Variants in CCDC169 observed in about 807,000 individuals in gnomAD.
CCDC169 encodes coiled-coil domain containing 169, also known as coiled-coil domain-containing protein 169.
Under a neutral mutation model 36.0 loss-of-function variants are expected in CCDC169, and 30 were observed. That is an observed-to-expected ratio of 0.83 (90% CI 0.62 to 1.13). The LOEUF (loss-of-function observed/expected upper bound fraction) is 1.13, where lower values mean the gene tolerates loss of function less well. Among genes scored for constraint, CCDC169 ranks in the 50% most tolerant of loss-of-function variants. The pLI, the probability that CCDC169 is intolerant of heterozygous loss-of-function variation, is 0.00. For missense variants in CCDC169, 245 were observed against 245.9 expected, an observed-to-expected ratio of 1.00 and a Z score of 0.03; for synonymous variants, 85 against 81.5, an observed-to-expected ratio of 1.04 and a Z score of -0.23.
At chr13:36,229,860 T>G (rs747327053), downstream of CCDC169, among the ~76,000 whole-genome samples, 2 of 152,056 alleles carry the variant, frequency 1.3e-5, no homozygotes, top group African/African-American at 2.4e-5. Flanking sequence ...ATTATTTAAA[T>G]TATTAATTTT....
chr13:36,242,580 T>A (rs1325492576), intron 7 of CCDC169, among the ~76,000 whole-genome samples: 1 of 152,196 alleles, frequency 6.6e-6, no homozygotes, highest in African/African-American at 2.4e-5. Flanking sequence ...TTGCATTGTT[T>A]ATAGTTTCAG....
chr13:36,278,899 A>C (rs1877170764), intron 4 of CCDC169, among the ~76,000 whole-genome samples: 1 of 152,192 alleles, frequency 6.6e-6, no homozygotes, highest in Non-Finnish European at 1.5e-5. Context: ...AACAAAACTA[A>C]ACTTACCATT....
Position 36,231,160 on chromosome 13 carries a change from A to G in CCDC169, c.*33T>C. On this transcript the variant is annotated 3_prime_UTR_variant, in exon 8 of 8. Transcript: ENST00000239859. ...CTTGAATATTATAAATGGAAAAAAA[A>G]AGGAAGAAATAGAAATCCATCCAGT... 1 of 1,537,322 alleles carries G rather than the reference A, an allele frequency of 6.5e-7. No homozygotes were observed. The highest frequency in any genetic ancestry group is 1.2e-5 in the South Asian group (1 of 80,910).
At chr13:36,297,519 A>C (rs1879674419) in intron 1 of CCDC169, 118 bp downstream of exon 1, 2 of 931,060 alleles carry the variant, frequency 2.1e-6, no homozygotes, top group Non-Finnish European at 3.3e-6. Context: ...CGAAGTGCCC[A>C]GGGGTTAATC....
chr13:36,261,871 A>T (rs1006357094), intron 4 of CCDC169, among the ~76,000 whole-genome samples: 19 of 152,210 alleles, frequency 1.2e-4, no homozygotes, highest in African/African-American at 4.6e-4. Flanking sequence ...ACTGCAGTGC[A>T]TTTGTGAGTT....
chr13:36,283,746 T>C, intron 2 of CCDC169, 44 bp from the exon 3 acceptor site: 1 of 1,338,138 alleles, frequency 7.5e-7, no homozygotes, highest in East Asian at 2.5e-5. Context: ...CCCCACCACC[T>C]CTCATTTATT....
chr13:36,256,229 T>C (rs1873863192), intron 4 of CCDC169, among the ~76,000 whole-genome samples: 1 of 152,272 alleles, frequency 6.6e-6, no homozygotes, highest in African/African-American at 2.4e-5. Flanking sequence ...AGGCCTGTTT[T>C]TTCACGCTTT....
At chr13:36,251,035 T>C (rs1054128479) in intron 6 of CCDC169, among the ~76,000 whole-genome samples, 9 of 152,332 alleles carry the variant, frequency 5.9e-5, no homozygotes, top group African/African-American at 1.9e-4. Context: ...AATCGGTCTT[T>C]CTGCCTGACT....
chr13:36,276,301 T>C (rs1017392423), intron 4 of CCDC169, among the ~76,000 whole-genome samples: 1 of 152,202 alleles, frequency 6.6e-6, no homozygotes, highest in African/African-American at 2.4e-5. Context: ...AAATGCTAAA[T>C]GATTTCCGTA....
intron 4 of CCDC169, among the ~76,000 whole-genome samples, chr13:36,258,115 G>C (rs1337533453): frequency 6.6e-6 from 1 of 152,172 alleles, no homozygotes; most frequent in South Asian, 2.1e-4. Context: ...ACTCTAGAAT[G>C]ATCTTCAGTG....
chr13:36,234,026 T>C (rs1007918118), intron 7 of CCDC169, among the ~76,000 whole-genome samples: 21 of 152,154 alleles, frequency 1.4e-4, no homozygotes, highest in Non-Finnish European at 2.9e-5. Flanking sequence ...TACCATCTAT[T>C]CTCTCTGAGG....
At chr13:36,289,060 T>C (rs1030031268) in intron 2 of CCDC169, among the ~76,000 whole-genome samples, 5 of 152,200 alleles carry the variant, frequency 3.3e-5, no homozygotes, top group Non-Finnish European at 5.9e-5. Context: ...AGAAGGGAAT[T>C]ATTTTTAATA....
chr13:36,238,274 A>T (rs1241974193), intron 7 of CCDC169, among the ~76,000 whole-genome samples: 1 of 152,104 alleles, frequency 6.6e-6, no homozygotes, highest in Non-Finnish European at 1.5e-5. Context: ...TTTTTATTTT[A>T]AAAAAGTTTT....
rs370190296 is a variant in CCDC169, at chr13:36,295,796, G to A, written c.145C>T (p.Leu49Phe). Residue 49 changes from leucine to phenylalanine, a missense_variant, in exon 2 of 8, where the codon CTC becomes TTC. Transcript: ENST00000239859. ...TATATACCTTCATTGTCAGTATTGAGTTTGGCTTCCAGTTCCGTAATCTTG... is the reference window on the plus strand; with the variant it reads ...TATATACCTTCATTGTCAGTATTGAATTTGGCTTCCAGTTCCGTAATCTTG... Reference protein sequence around the residue: ...RHKITELEAKLNTDNEGSEWK... With the variant: ...RHKITELEAKFNTDNEGSEWK... 18 of 1,533,178 alleles carry A rather than the reference G, an allele frequency of 1.2e-5. 1 individual carries two copies. In the African/African-American group the frequency reaches 2.3e-4, roughly 20 times the overall value. The allele number at this position is 1,533,178 out of a possible 1,614,324, so 95.0% of individuals were successfully genotyped here. A position where few individuals can be genotyped will look rare whatever the true frequency, so the allele number is the denominator to read the frequency against.
chr13:36,268,146 C>A (rs922616274), intron 4 of CCDC169, among the ~76,000 whole-genome samples: 1 of 152,140 alleles, frequency 6.6e-6, no homozygotes, highest in African/African-American at 2.4e-5. Flanking sequence ...ACAGAACATT[C>A]TTCCCAACAA....
intron 2 of CCDC169, among the ~76,000 whole-genome samples, chr13:36,285,655 A>C (rs1328895949): frequency 6.6e-6 from 1 of 152,272 alleles, no homozygotes; most frequent in Non-Finnish European, 1.5e-5. Flanking sequence ...ACATAGATAG[A>C]TAGACCGACC....
At chr13:36,237,711 A>T (rs1391257656) in intron 7 of CCDC169, among the ~76,000 whole-genome samples, 1 of 152,204 alleles carries the variant, frequency 6.6e-6, no homozygotes, top group East Asian at 1.9e-4. Flanking sequence ...GTATGCTCCC[A>T]TTTACAGTTG....
chr13:36,225,895 C>A (rs1311666479), downstream of CCDC169: 3 of 152,158 alleles, frequency 2.0e-5, no homozygotes, highest in East Asian at 5.8e-4. Context: ...AAGATGCCAT[C>A]TAACACCAGT....
chr13:36,274,868 ATTTTTTTT>A (rs3083971), intron 4 of CCDC169, among the ~76,000 whole-genome samples: 1 of 118,508 alleles, frequency 8.4e-6, no homozygotes, highest in South Asian at 2.8e-4. Context: ...CATTAGCTGC[ATTTTTTTT>A]TTTTTTTTTT....
Sources: gnomAD v4.1 joint callset for allele counts (sites outside exome capture counted in the v4.1 genomes callset) on GRCh38, gnomAD v4.1.1 for gene constraint, MANE v1.5 for transcripts, NCBI Gene and HGNC (gene_info 2026-07-23, HGNC 2026-07-21) for gene names.